Variants in TAPT1 observed in about 807,000 individuals in gnomAD.
The protein encoded by TAPT1 is transmembrane anterior posterior transformation 1.
In TAPT1, 28 loss-of-function variants were observed where a neutral mutation model predicts 65.6. The observed-to-expected ratio is 0.43, with a 90% CI of 0.32 to 0.59. The LOEUF is 0.59. TAPT1 is among the 20% of genes least tolerant of loss of function. The pLI is 0.09. For missense variants in TAPT1, 563 were observed against 679.9 expected (o/e 0.83, Z 1.91); for synonymous variants, 278 against 245.2 (o/e 1.13, Z -1.25).
intron 3 of TAPT1, 82 bp from the exon 4 acceptor site, chr4:16,191,605 C>G: frequency 7.5e-7 from 1 of 1,335,742 alleles, no homozygotes; most frequent in Non-Finnish European, 1.0e-6. Context: ...TCGATATACA[C>G]TGGCATACAA....
At chr4:16,218,648 T>G (rs1418562934) in intron 1 of TAPT1, among the ~76,000 whole-genome samples, 1 of 152,246 alleles carries the variant, frequency 6.6e-6, no homozygotes, top group Non-Finnish European at 1.5e-5. Flanking sequence ...TTTTAATACC[T>G]GTCAGCTGTT....
At chr4:16,220,113 G>T (rs973546414) in intron 1 of TAPT1, among the ~76,000 whole-genome samples, 1 of 152,156 alleles carries the variant, frequency 6.6e-6, no homozygotes. Context: ...TGTTTCGCTT[G>T]TTTTTATTTT....
At chr4:16,193,740 C>G (rs989767477) in intron 3 of TAPT1, among the ~76,000 whole-genome samples, 1 of 152,192 alleles carries the variant, frequency 6.6e-6, no homozygotes, top group Non-Finnish European at 1.5e-5. Flanking sequence ...AGGGAACAAA[C>G]GTGAGCCACC....
At chr4:16,202,602 A>G (rs1750103775) in intron 2 of TAPT1, 22 bp from the exon 3 acceptor site, 6 of 1,274,874 alleles carry the variant, frequency 4.7e-6, no homozygotes, top group Non-Finnish European at 6.5e-6. Context: ...CAAGGAGAGA[A>G]GAAAAAAAAA....
chr4:16,216,565 A>C (rs1560189587), intron 1 of TAPT1, among the ~76,000 whole-genome samples: 1 of 152,184 alleles, frequency 6.6e-6, no homozygotes, highest in Non-Finnish European at 1.5e-5. Context: ...CCTCTCCTGG[A>C]GTCCTGACTT....
In TAPT1 at chr4:16,163,526, C is replaced by T; in HGVS notation, c.1486G>A (p.Glu496Lys). The change falls in exon 14 of 14, where the codon GAA becomes AAA. Residue 496 changes from glutamate to lysine, a missense_variant. Around this residue, in one of 5 missense-constraint regions of TAPT1, gnomAD observed 136 missense variants for 153.9 expected, o/e 0.88. Coordinates refer to ENST00000405303, the MANE Select transcript of TAPT1 (RefSeq NM_153365.3). ...KCKPSQGLST[E>K]ENLSASITKQ... ...GTGATGGAGGCAGACAGGTTTTCTTCTGTGGAAAGGCCTGTGATAAAATAG... is the reference window on the plus strand; with the variant it reads ...GTGATGGAGGCAGACAGGTTTTCTTTTGTGGAAAGGCCTGTGATAAAATAG... 1 of 1,612,630 alleles carries T rather than the reference C, an allele frequency of 6.2e-7. No individual in the cohort carries two copies. Among genetic ancestry groups the T allele is most frequent in the Non-Finnish European group, 8.5e-7 (1 of 1,178,818 alleles).
rs1189578722 is a variant in TAPT1, at chr4:16,162,502, T to C, written c.*806A>G. 6.5e-6 allele frequency: 1 copy of C among 152,852 alleles called. No homozygotes were observed. The highest frequency in any genetic ancestry group is 2.4e-5 in the African/African-American group (1 of 41,462). 9.5% of individuals were successfully genotyped at this position (152,852 alleles called of 1,614,324 possible). A position where few individuals can be genotyped will look rare whatever the true frequency, so the allele number is the denominator to read the frequency against. On this transcript the variant is annotated 3_prime_UTR_variant, in exon 14 of 14. Transcript: ENST00000405303. Reference sequence around the variant, plus strand: ...GTAATTAGTTTTAAAGCAAAATCAGTTAAGTATACCTTAAAGTTAACACTG... The same window carrying C: ...GTAATTAGTTTTAAAGCAAAATCAGCTAAGTATACCTTAAAGTTAACACTG...
rs532765205 is a variant in TAPT1, at chr4:16,170,750, A to T, written c.1237-21T>A. 359 of 1,587,430 alleles carry T rather than the reference A, an allele frequency of 2.3e-4. 4 individuals are homozygous for T. In the South Asian group the frequency reaches 3.8e-3, roughly 17 times the overall value. On this transcript the variant is annotated intron_variant, in intron 11 of 13. Transcript: ENST00000405303. Reference sequence around the variant, plus strand: ...ATGAGCTAGCCAGAAACAAACCAAAACAACAAAAACACACAAACAGAACAC... The same window carrying T: ...ATGAGCTAGCCAGAAACAAACCAAATCAACAAAAACACACAAACAGAACAC...
rs1747238935 is a variant in TAPT1 at position 16,161,484 on chromosome 4, C to T, written c.*1824G>A. 1 of 152,578 alleles carries T rather than the reference C, an allele frequency of 6.6e-6. No individual in the cohort carries two copies. The allele number at this position is 152,578 out of a possible 1,614,324, so 9.5% of individuals were successfully genotyped here. A position where few individuals can be genotyped will look rare whatever the true frequency, so the allele number is the denominator to read the frequency against. ...AATTCAAGCGGAACTGAAGATCTAT[C>T]CAAACCATGTTCCTGCTCTGAAATC... On this transcript the variant is annotated 3_prime_UTR_variant, in exon 14 of 14. Transcript: ENST00000405303.
intron 3 of TAPT1, among the ~76,000 whole-genome samples, chr4:16,198,895 C>G (rs1427047917): frequency 6.6e-6 from 1 of 152,110 alleles, no homozygotes; most frequent in African/African-American, 2.4e-5. Context: ...TTTACCTTAT[C>G]AAATATTTCA....
intron 1 of TAPT1, among the ~76,000 whole-genome samples, chr4:16,216,767 A>AT (rs1261029407): frequency 7.9e-5 from 12 of 152,218 alleles, no homozygotes; most frequent in Admixed American, 4.6e-4. Flanking sequence ...AAGCTTCTTG[A>AT]TTGAGTACCA....
intron 3 of TAPT1, among the ~76,000 whole-genome samples, chr4:16,202,068 A>T (rs1283687671): frequency 6.6e-6 from 1 of 152,142 alleles, no homozygotes; most frequent in Non-Finnish European, 1.5e-5. Flanking sequence ...TTTCCACTCC[A>T]GCCTAGAACC....
intron 10 of TAPT1, 101 bp downstream of exon 10, chr4:16,174,569 G>T: frequency 9.1e-7 from 1 of 1,094,936 alleles, no homozygotes; most frequent in Admixed American, 2.8e-5. Flanking sequence ...AGTTTATGTA[G>T]CTTTCCTTTA....
At chr4:16,185,187 T>A (rs1748934630) in intron 7 of TAPT1, among the ~76,000 whole-genome samples, 2 of 152,030 alleles carry the variant, frequency 1.3e-5, no homozygotes, top group African/African-American at 4.8e-5. Flanking sequence ...ATCCAACTGT[T>A]CCAGCATTAC....
rs1299884884 is a variant in TAPT1, at chr4:16,186,836, T to C, written c.791A>G (p.Asn264Ser). Residue 264 changes from asparagine to serine, a missense_variant, in exon 6 of 14, where the codon AAT becomes AGT. Around this residue, in one of 5 missense-constraint regions of TAPT1, gnomAD observed 217 missense variants for 317.5 expected, o/e 0.68. Transcript: ENST00000405303. Reference sequence around the variant, plus strand: ...CTTGTTGTGTGAGTTAAAAGCTACATTGAGAGTTGTTGCTTGAACCATTAT... The same window carrying C: ...CTTGTTGTGTGAGTTAAAAGCTACACTGAGAGTTGTTGCTTGAACCATTAT... ...ILIMVQATTL[N>S]VAFNSHNKSL... 1.9e-6 allele frequency: 3 copies of C among 1,612,156 alleles called. No individual in the cohort carries two copies. Among genetic ancestry groups the C allele is most frequent in the Admixed American group, 1.7e-5 (1 of 59,884 alleles).
intron 3 of TAPT1, among the ~76,000 whole-genome samples, chr4:16,197,190 C>CT (rs1265952511): frequency 1.3e-5 from 2 of 152,158 alleles, no homozygotes; most frequent in Non-Finnish European, 2.9e-5. Flanking sequence ...ATTGCCTCTT[C>CT]AACCAAGAAA....
upstream of TAPT1, chr4:16,226,622 G>A: frequency 3.5e-6 from 1 of 286,920 alleles, no homozygotes; most frequent in Non-Finnish European, 5.2e-6. Flanking sequence ...AGCGACGCGT[G>A]TGAGGCCGCT....
At chr4:16,166,903 A>C in intron 12 of TAPT1, 110 bp from the exon 13 acceptor site, 1 of 1,039,594 alleles carries the variant, frequency 9.6e-7, no homozygotes, top group South Asian at 1.7e-5. Context: ...GGACGGTGAC[A>C]GATTAGGGAT....
chr4:16,191,625 T>C, intron 3 of TAPT1, 102 bp from the exon 4 acceptor site: 1 of 1,220,728 alleles, frequency 8.2e-7, no homozygotes, highest in Non-Finnish European at 1.1e-6. Flanking sequence ...AAGGTAAAAA[T>C]AAGAATTATG....
Sources: gnomAD v4.1 joint callset for allele counts (sites outside exome capture counted in the v4.1 genomes callset) on GRCh38, gnomAD v4.1.1 for gene constraint, gnomAD v4.1.1 regional missense constraint, MANE v1.5 for transcripts, NCBI Gene and HGNC (gene_info 2026-07-23, HGNC 2026-07-21) for gene names.